The following PRKCA variants were observed in gnomAD, a reference collection of about 807,000 sequenced individuals.
The protein encoded by PRKCA is protein kinase C alpha type.
A neutral mutation model predicts 87.0 loss-of-function variants in PRKCA; 27 were observed. The observed-to-expected ratio is 0.31, with a 90% CI of 0.23 to 0.43. PRKCA has a LOEUF of 0.43. Among genes scored for constraint, PRKCA ranks in the 20% least tolerant of loss-of-function variants. PRKCA has a pLI of 1.00. For synonymous variants in PRKCA, 329 were observed against 311.1 expected (o/e 1.06, Z -0.61); for missense variants, 518 against 852.3 (o/e 0.61, Z 4.88).
At chr17:66,742,788 A>G (rs1341308281) in intron 13 of PRKCA, 28 bp downstream of exon 13, 4 of 1,609,630 alleles carry the variant, frequency 2.5e-6, no homozygotes, top group Non-Finnish European at 3.4e-6. Flanking sequence ...CGTTTTCTCA[A>G]CCAGGACTCC....
At chr17:66,768,646 G>A (rs934105614) in intron 13 of PRKCA, among the ~76,000 whole-genome samples, 1 of 151,814 alleles carries the variant, frequency 6.6e-6, no homozygotes, top group Non-Finnish European at 1.5e-5. Context: ...GCGGAGCAGG[G>A]GAGAGAGAGA....
chr17:66,465,403 T>A (rs1318992859), intron 2 of PRKCA, among the ~76,000 whole-genome samples: 2 of 152,148 alleles, frequency 1.3e-5, no homozygotes, highest in Non-Finnish European at 2.9e-5. Flanking sequence ...TAATTTTTTT[T>A]AATTTTTGAG....
In PRKCA at chr17:66,319,963, T is replaced by C. The variant is rs368545953; in HGVS notation, c.205+13836T>C. ...TTCGCCATGTTGGCCAGGCTGGTCT[T>C]GAACACCTGACCTCAAGTGATCTGC... On this transcript the variant is annotated intron_variant, in intron 2 of 16. Transcript: ENST00000413366. 9.3e-3 allele frequency among the ~76,000 whole-genome samples: 1,418 copies of C among 152,194 alleles called. 26 individuals are homozygous for C. Among genetic ancestry groups the C allele is most frequent in the African/African-American group, 0.033 (1,367 of 41,516 alleles).
intron 3 of PRKCA, among the ~76,000 whole-genome samples, chr17:66,590,092 G>T (rs938172482): frequency 6.6e-6 from 1 of 152,152 alleles, no homozygotes; most frequent in Non-Finnish European, 1.5e-5. Flanking sequence ...CCGGTCCATG[G>T]CCTGGGGGTT....
At chr17:66,330,807 G>A (rs967937352) in intron 2 of PRKCA, among the ~76,000 whole-genome samples, 3 of 152,192 alleles carry the variant, frequency 2.0e-5, no homozygotes, top group Non-Finnish European at 4.4e-5. Flanking sequence ...ACTTGTCTGC[G>A]AGTGCGAGTG....
intron 14 of PRKCA, among the ~76,000 whole-genome samples, chr17:66,781,771 T>A (rs931545023): frequency 4.6e-5 from 7 of 151,524 alleles, no homozygotes; most frequent in African/African-American, 1.5e-4. Context: ...TGGCCAGTGG[T>A]GATGGTTACG....
intron 5 of PRKCA, among the ~76,000 whole-genome samples, chr17:66,658,299 G>A (rs530323171): frequency 6.6e-5 from 10 of 152,226 alleles, no homozygotes; most frequent in African/African-American, 2.4e-4. Context: ...GGCCAACATG[G>A]TGAAACCCCC....
chr17:66,581,557 C>T (rs988480470), intron 3 of PRKCA, among the ~76,000 whole-genome samples: 1 of 152,092 alleles, frequency 6.6e-6, no homozygotes, highest in African/African-American at 2.4e-5. Flanking sequence ...CTCACTGCAC[C>T]CTCTGCCTCC....
intron 2 of PRKCA, among the ~76,000 whole-genome samples, chr17:66,479,576 T>A (rs377247305): frequency 6.6e-6 from 1 of 152,160 alleles, no homozygotes; most frequent in Admixed American, 6.5e-5. Context: ...GCAACACTAT[T>A]CACAATAGGA....
chr17:66,375,842 C>T lies in PRKCA; in HGVS notation c.205+69715C>T, dbSNP rs185187607. ...CCTGTCCATAGGAGCCATATGGACC[C>T]GGCATGTGGCTTAATCCTCGTAAGC... On this transcript the variant is annotated intron_variant, in intron 2 of 16. Coordinates refer to ENST00000413366, the MANE Select transcript of PRKCA (RefSeq NM_002737.3). Among the ~76,000 whole-genome samples the T allele has an allele frequency of 1.5e-4, 23 of 152,176 alleles. No individual in the cohort carries two copies. The South Asian group carries it at 2.7e-3, about 18-fold the overall frequency.
chr17:66,671,313 T>TG (rs892054546), intron 5 of PRKCA, among the ~76,000 whole-genome samples: 20 of 142,136 alleles, frequency 1.4e-4, no homozygotes, highest in African/African-American at 4.2e-4. Flanking sequence ...AGCCAAGAAG[T>TG]GGGGGGGTTT....
In PRKCA at chr17:66,790,962, T is replaced by C. The variant is rs562853754; in HGVS notation, c.1854+1983T>C. Among the ~76,000 whole-genome samples the C allele has an allele frequency of 4.0e-5, 6 of 151,550 alleles. No homozygotes were observed. The South Asian group carries it at 1.0e-3, about 26-fold the overall frequency. ...GAGTTAGGAGCAGTGTTTATTTATA[T>C]TTTATTCCTGGAGCGCTACTGTTTG... On this transcript the variant is annotated intron_variant, in intron 16 of 16. Coordinates refer to ENST00000413366, the MANE Select transcript of PRKCA (RefSeq NM_002737.3).
intron 3 of PRKCA, among the ~76,000 whole-genome samples, chr17:66,515,730 A>C (rs537181419): frequency 4.9e-4 from 74 of 152,234 alleles, no homozygotes; most frequent in African/African-American, 1.4e-3. Context: ...TTTTTAGTAG[A>C]GATGGGGCCT....
At chr17:66,550,453 C>A (rs1467416370) in intron 3 of PRKCA, among the ~76,000 whole-genome samples, 1 of 152,120 alleles carries the variant, frequency 6.6e-6, no homozygotes, top group East Asian at 1.9e-4. Flanking sequence ...GAGCTCAAGA[C>A]CAGCCTGGCC....
intron 2 of PRKCA, among the ~76,000 whole-genome samples, chr17:66,321,551 T>A (rs28516400): frequency 2.6e-5 from 4 of 152,332 alleles, no homozygotes; most frequent in African/African-American, 7.2e-5. Context: ...GCTCACTTTT[T>A]AAAAATTTTT....
intron 3 of PRKCA, among the ~76,000 whole-genome samples, chr17:66,514,033 T>G (rs1185117956): frequency 6.6e-6 from 1 of 152,208 alleles, no homozygotes; most frequent in Admixed American, 6.5e-5. Flanking sequence ...CTAAGATATT[T>G]TGAGAGACCA....
At chr17:66,622,669 C>G (rs1225728028) in intron 3 of PRKCA, among the ~76,000 whole-genome samples, 3 of 152,326 alleles carry the variant, frequency 2.0e-5, no homozygotes, top group Non-Finnish European at 2.9e-5. Context: ...ATACCCAAGA[C>G]TGGGAAGAAA....
At chr17:66,671,041 C>T (rs142033864) in intron 5 of PRKCA, among the ~76,000 whole-genome samples, 2,352 of 150,990 alleles carry the variant, frequency 0.016, 72 homozygotes, top group African/African-American at 0.054. Context: ...AAAACCCCAT[C>T]TCTACTAAAA....
chr17:66,572,136 A>T (rs1005754424), intron 3 of PRKCA, among the ~76,000 whole-genome samples: 1 of 152,186 alleles, frequency 6.6e-6, no homozygotes, highest in Non-Finnish European at 1.5e-5. Context: ...GATTGAATTT[A>T]TAGTTTCCAG....
Sources: gnomAD v4.1 joint callset for allele counts (sites outside exome capture counted in the v4.1 genomes callset) on GRCh38, gnomAD v4.1.1 for gene constraint, MANE v1.5 for transcripts, NCBI Gene and HGNC (gene_info 2026-07-23, HGNC 2026-07-21) for gene names.